The following ATP11B variants were observed in gnomAD, a reference collection of about 807,000 sequenced individuals.
ATP11B encodes the protein phospholipid-transporting ATPase IF.
ATP11B carries 81 observed loss-of-function variants against 157.8 expected under a neutral mutation model. The ratio of observed to expected loss-of-function variants is 0.51; its 90% CI spans 0.43 to 0.62. The LOEUF (loss-of-function observed/expected upper bound fraction) is 0.62. Among genes scored for constraint, ATP11B ranks in the 20% least tolerant of loss-of-function variants. The pLI is 0.00. For missense variants in ATP11B, 1,165 were observed against 1,402.2 expected (o/e 0.83, Z 2.70); for synonymous variants, 451 against 469.4 (o/e 0.96, Z 0.51).
chr3:182,884,674 TAAATAATTAAGA>T, intron 21 of ATP11B, 67 bp from the exon 22 acceptor site: 4 of 1,396,298 alleles, frequency 2.9e-6, no homozygotes, highest in Non-Finnish European at 3.9e-6. Flanking sequence ...TCAACTATTA[TAAATAATTAAGA>T]TATTTGCAGA....
intron 7 of ATP11B, among the ~76,000 whole-genome samples, chr3:182,840,551 G>C (rs958522872): frequency 1.3e-5 from 2 of 152,154 alleles, no homozygotes; most frequent in Non-Finnish European, 2.9e-5. Flanking sequence ...TAATCAAGCT[G>C]AAAACTAAAC....
chr3:182,869,456 G>T, intron 17 of ATP11B, 125 bp downstream of exon 17: 2 of 614,890 alleles, frequency 3.3e-6, no homozygotes, highest in Non-Finnish European at 5.4e-6. Flanking sequence ...CTGTGTGTTG[G>T]CTCCACATTC....
Position 182,920,735 on chromosome 3 carries a change from C to T in ATP11B, c.*2631C>T, listed in dbSNP as rs1270524065. The T allele has an allele frequency of 3.3e-5, 5 of 152,220 alleles. No homozygotes were observed. In the East Asian group the frequency reaches 9.6e-4, roughly 29 times the overall value. The allele number at this position is 152,220 out of a possible 1,614,324, so 9.4% of individuals were successfully genotyped here. A position where few individuals can be genotyped will look rare whatever the true frequency, so the allele number is the denominator to read the frequency against. On this transcript the variant is annotated 3_prime_UTR_variant, in exon 30 of 30. Transcript: ENST00000323116. ...AGCACCCTGCCTCAGCTTCAGCAGGCGTAGGCTCACCCTGGGCGGAGCAAA... is the reference window on the plus strand; with the variant it reads ...AGCACCCTGCCTCAGCTTCAGCAGGTGTAGGCTCACCCTGGGCGGAGCAAA...
rs528057043 is a variant in ATP11B, at chr3:182,827,235, C to T, written c.145-885C>T. ...GTTGTAACACAAATAAAATTTGCAGCATATTATTCTGCCCTTGTAATACAG... is the reference window on the plus strand; with the variant it reads ...GTTGTAACACAAATAAAATTTGCAGTATATTATTCTGCCCTTGTAATACAG... On this transcript the variant is annotated intron_variant, in intron 2 of 29. Coordinates refer to ENST00000323116, the MANE Select transcript of ATP11B (RefSeq NM_014616.3). Among the ~76,000 whole-genome samples, 3 of 152,152 alleles carry T rather than the reference C, an allele frequency of 2.0e-5. No individual in the cohort carries two copies. In the East Asian group the frequency reaches 5.8e-4, roughly 29 times the overall value.
chr3:182,918,480 T>C lies in ATP11B; in HGVS notation c.*376T>C. On this transcript the variant is annotated 3_prime_UTR_variant, in exon 30 of 30. Transcript: ENST00000323116. ...GTATTTTTTAGTATTAGCTTGATTA[T>C]TGACTCTTCTATTTAAATCTGCTTC... 1 of 397,986 alleles carries C rather than the reference T, an allele frequency of 2.5e-6. No homozygotes were observed. The highest frequency in any genetic ancestry group is 6.3e-4 in the Middle Eastern group (1 of 1,580). 24.7% of individuals were successfully genotyped at this position (397,986 alleles called of 1,614,324 possible).
intron 1 of ATP11B, among the ~76,000 whole-genome samples, chr3:182,819,077 T>TTC (rs1717150130): frequency 1.4e-5 from 1 of 69,056 alleles, no homozygotes; most frequent in African/African-American, 6.1e-5. Flanking sequence ...TTTCTAATAT[T>TTC]TCTTTTTTTT....
chr3:182,920,801 C>T lies in ATP11B; in HGVS notation c.*2697C>T, dbSNP rs569846910. On this transcript the variant is annotated 3_prime_UTR_variant, in exon 30 of 30. Coordinates refer to ENST00000323116, the MANE Select transcript of ATP11B (RefSeq NM_014616.3). Reference sequence around the variant, plus strand: ...AACTACAGCTACGAAGACCTGCTGTCGAGTTGAGAAAAGGGGAGAATTTAT... The same window carrying T: ...AACTACAGCTACGAAGACCTGCTGTTGAGTTGAGAAAAGGGGAGAATTTAT... 3 of 152,334 alleles carry T rather than the reference C, an allele frequency of 2.0e-5. No individual in the cohort carries two copies. The highest frequency in any genetic ancestry group is 1.9e-4 in the East Asian group (1 of 5,182). The allele number at this position is 152,334 out of a possible 1,614,324, so 9.4% of individuals were successfully genotyped here. A position where few individuals can be genotyped will look rare whatever the true frequency, so the allele number is the denominator to read the frequency against.
intron 28 of ATP11B, among the ~76,000 whole-genome samples, chr3:182,904,508 CTATT>C (rs1202186837): frequency 3.3e-5 from 5 of 152,196 alleles, no homozygotes; most frequent in African/African-American, 1.2e-4. Context: ...AATAGCGTAA[CTATT>C]TACGCCTGTG....
intron 28 of ATP11B, among the ~76,000 whole-genome samples, chr3:182,908,100 T>A (rs536512489): frequency 6.6e-6 from 1 of 151,886 alleles, no homozygotes; most frequent in Admixed American, 6.6e-5. Flanking sequence ...TAGAATACAT[T>A]AAAACAAAAG....
intron 1 of ATP11B, among the ~76,000 whole-genome samples, chr3:182,807,300 G>A (rs1047862315): frequency 2.0e-5 from 3 of 152,074 alleles, no homozygotes; most frequent in Non-Finnish European, 4.4e-5. Context: ...GGAAAGTCTA[G>A]CAGTGGTATT....
At chr3:182,915,450 T>C in intron 29 of ATP11B, 1 of 985,236 alleles carries the variant, frequency 1.0e-6, no homozygotes, top group Non-Finnish European at 1.2e-6. Context: ...CCAGCAAATT[T>C]CCCAAAGAGC....
rs376392475 is a variant in ATP11B at position 182,863,962 on chromosome 3, A to G, written c.1201-1494A>G. On this transcript the variant is annotated intron_variant, in intron 12 of 29. Transcript: ENST00000323116. ...CTTTAAATTCCAGTTCAACATTGCTATAAATACTGGGCAACATTTAATATC... is the reference window on the plus strand; with the variant it reads ...CTTTAAATTCCAGTTCAACATTGCTGTAAATACTGGGCAACATTTAATATC... 2.4e-4 allele frequency among the ~76,000 whole-genome samples: 36 copies of G among 152,186 alleles called. 1 individual carries two copies. The South Asian group carries it at 7.3e-3, about 31-fold the overall frequency.
intron 28 of ATP11B, among the ~76,000 whole-genome samples, chr3:182,909,928 G>A (rs982507271): frequency 6.6e-6 from 1 of 151,772 alleles, no homozygotes; most frequent in Non-Finnish European, 1.5e-5. Flanking sequence ...GCTGGGCGTG[G>A]TGGTGTGTGC....
At chr3:182,865,387 A>AT (rs1056593694) in intron 12 of ATP11B, 69 bp from the exon 13 acceptor site, 3 of 1,508,122 alleles carry the variant, frequency 2.0e-6, no homozygotes, top group Non-Finnish European at 1.8e-6. Context: ...GAGGACAGAG[A>AT]TTTTTTTCTT....
At chr3:182,914,038 T>C (rs748688852) in intron 29 of ATP11B, 44 bp downstream of exon 29, 1 of 1,608,926 alleles carries the variant, frequency 6.2e-7, no homozygotes, top group African/African-American at 1.3e-5. Context: ...ATGAGTATCC[T>C]ATCTGGAACA....
At chr3:182,896,878 G>A (rs1577094101) in intron 26 of ATP11B, 113 bp downstream of exon 26, 1 of 738,446 alleles carries the variant, frequency 1.4e-6, no homozygotes, top group East Asian at 2.6e-5. Flanking sequence ...TTTCAATAAC[G>A]ATTAATTTCA....
chr3:182,880,775 TTC>T (rs1200305509), intron 20 of ATP11B, 102 bp from the exon 21 acceptor site: 9 of 545,048 alleles, frequency 1.7e-5, no homozygotes, highest in Non-Finnish European at 2.7e-5. Flanking sequence ...AATTAAATAT[TTC>T]TTTCATTAGT....
chr3:182,830,028 T>TAC, intron 4 of ATP11B: 2 of 723,366 alleles, frequency 2.8e-6, no homozygotes, highest in Non-Finnish European at 1.7e-6. Flanking sequence ...AAACCATTTA[T>TAC]ATATGAAATA....
intron 8 of ATP11B, among the ~76,000 whole-genome samples, chr3:182,842,903 C>G (rs1342223841): frequency 2.0e-5 from 3 of 152,190 alleles, no homozygotes; most frequent in African/African-American, 7.2e-5. Flanking sequence ...AATAATTAGT[C>G]CAGTCTATCA....
Sources: allele counts gnomAD v4.1 joint callset (sites outside exome capture counted in the v4.1 genomes callset), GRCh38; gene constraint gnomAD v4.1.1; transcripts MANE v1.5; gene names NCBI Gene and HGNC (gene_info 2026-07-23, HGNC 2026-07-21).